The following SUMF1 variants were observed in gnomAD, a reference collection of about 807,000 sequenced individuals.
SUMF1 encodes formylglycine-generating enzyme.
Under a neutral mutation model 47.6 loss-of-function variants are expected in SUMF1, and 48 were observed. The observed-to-expected ratio is 1.01, with a 90% confidence interval of 0.80 to 1.28. SUMF1 has a LOEUF of 1.28. Among genes scored for constraint, SUMF1 ranks in the 50% most tolerant of loss-of-function variants. The pLI is 0.00. For missense variants in SUMF1, 571 were observed against 485.4 expected, an observed-to-expected ratio of 1.18 and a Z score of -1.66; for synonymous variants, 230 against 192.1, an observed-to-expected ratio of 1.20 and a Z score of -1.63.
chr3:4,220,764 A>G (rs1696043415), intron 8 of SUMF1, among the ~76,000 whole-genome samples: 1 of 152,138 alleles, frequency 6.6e-6, no homozygotes, highest in Non-Finnish European at 1.5e-5. Flanking sequence ...CTTCATCTGT[A>G]AAACGAGAAG....
At position 4,332,052 on chromosome 3, in the gene SUMF1, T is replaced by C. The variant is rs141041098; in HGVS notation, c.1014+44278A>G. 7.2e-3 allele frequency among the ~76,000 whole-genome samples: 1,090 copies of C among 152,336 alleles called. 14 individuals carry two copies. The highest frequency in any genetic ancestry group is 0.025 in the African/African-American group (1,029 of 41,584). ...TTTACTAAAGATTAATAAAGTCATG[T>C]GAACTACAAGGCATTTGAATTAAAG... On this transcript the variant is annotated intron_variant and NMD_transcript_variant, in intron 8 of 12. Coordinates refer to the SUMF1 transcript ENST00000448413.
At chr3:4,048,153 C>G (rs975549752) in intron 9 of SUMF1, among the ~76,000 whole-genome samples, 1 of 152,008 alleles carries the variant, frequency 6.6e-6, no homozygotes, top group Admixed American at 6.6e-5. Context: ...TTATTCAAAC[C>G]TTTTCCATTC....
intron 8 of SUMF1, among the ~76,000 whole-genome samples, chr3:4,145,772 A>T (rs1422866256): frequency 6.6e-6 from 1 of 152,162 alleles, no homozygotes; most frequent in Non-Finnish European, 1.5e-5. Context: ...TGTATTCAAG[A>T]CAGTTGAGGC....
chr3:4,041,184 T>C (rs991397310), intron 9 of SUMF1, among the ~76,000 whole-genome samples: 3 of 152,228 alleles, frequency 2.0e-5, no homozygotes, highest in Admixed American at 6.5e-5. Context: ...GCAATTCTCC[T>C]GCCTCAGCCT....
intron 8 of SUMF1, among the ~76,000 whole-genome samples, chr3:4,131,997 G>A (rs1005035290): frequency 1.3e-5 from 2 of 152,138 alleles, no homozygotes; most frequent in South Asian, 2.1e-4. Context: ...AATTTGCCAG[G>A]AGCAGAGACC....
chr3:4,130,594 C>G (rs1693764911), intron 8 of SUMF1, among the ~76,000 whole-genome samples: 1 of 152,040 alleles, frequency 6.6e-6, no homozygotes, highest in Non-Finnish European at 1.5e-5. Context: ...GAAATAAATC[C>G]AACTAAAATT....
chr3:4,136,258 G>C (rs1490065698), intron 8 of SUMF1, among the ~76,000 whole-genome samples: 16 of 152,124 alleles, frequency 1.1e-4, no homozygotes, highest in Non-Finnish European at 2.4e-4. Flanking sequence ...AAACAGCATG[G>C]TACTGGTACC....
chr3:4,428,543 G>A (rs114963843), intron 3 of SUMF1, among the ~76,000 whole-genome samples: 3 of 152,066 alleles, frequency 2.0e-5, no homozygotes, highest in South Asian at 2.1e-4. Context: ...TTGTACAGAT[G>A]GAGTCTCGCT....
chr3:4,393,791 T>C (rs1215152992), intron 7 of SUMF1, among the ~76,000 whole-genome samples: 2 of 152,168 alleles, frequency 1.3e-5, no homozygotes, highest in African/African-American at 4.8e-5. Flanking sequence ...TCTCAATTTA[T>C]CACCTCCCTT....
At chr3:4,101,693 T>C (rs1693036740) in intron 8 of SUMF1, among the ~76,000 whole-genome samples, 1 of 152,194 alleles carries the variant, frequency 6.6e-6, no homozygotes, top group South Asian at 2.1e-4. Context: ...ACAGATATGC[T>C]ATTTAACCAG....
At position 4,467,167 on chromosome 3, in the gene SUMF1, G is replaced by A. The variant is rs771193676; in HGVS notation, c.79C>T (p.Leu27=). 1 of 1,605,716 alleles carries A rather than the reference G, an allele frequency of 6.2e-7. No individual in the cohort carries two copies. Among genetic ancestry groups the A allele is most frequent in the Admixed American group, 1.7e-5 (1 of 59,220 alleles). Residue 27 remains leucine (L), a synonymous_variant, in exon 1 of 9, where the codon CTG becomes TTG. Coordinates refer to ENST00000272902, the MANE Select transcript of SUMF1 (RefSeq NM_182760.4). Reference sequence around the variant, plus strand: ...TGGCTCCCTGCCGCTCCACACAGCAGCGAGAGCAGCAGCAGCAAGAGGACG... The same window carrying A: ...TGGCTCCCTGCCGCTCCACACAGCAACGAGAGCAGCAGCAGCAAGAGGACG... The part of the protein sequence containing the change: ...GLVLLLLLLS[L]LCGAAGSQEA...
At chr3:4,055,362 T>C (rs1695173664) in intron 9 of SUMF1, among the ~76,000 whole-genome samples, 1 of 152,220 alleles carries the variant, frequency 6.6e-6, no homozygotes, top group African/African-American at 2.4e-5. Flanking sequence ...TGACTCTTTA[T>C]AATAGCTCTA....
chr3:4,370,356 T>C (rs1303363913), intron 8 of SUMF1, among the ~76,000 whole-genome samples: 1 of 152,216 alleles, frequency 6.6e-6, no homozygotes, highest in Non-Finnish European at 1.5e-5. Context: ...AAGATGGTAA[T>C]AGCCCTGCCA....
chr3:4,427,262 G>A (rs1301855731), intron 3 of SUMF1, among the ~76,000 whole-genome samples: 5 of 152,266 alleles, frequency 3.3e-5, no homozygotes, highest in Middle Eastern at 3.4e-3. Flanking sequence ...TTAAAAGATG[G>A]ACGTTTCTTG....
chr3:4,396,691 G>A (rs970630788), intron 7 of SUMF1, among the ~76,000 whole-genome samples: 1 of 152,168 alleles, frequency 6.6e-6, no homozygotes, highest in African/African-American at 2.4e-5. Context: ...GTTTCTTGCT[G>A]AGGTGTGAGA....
rs114354780 is a variant in SUMF1 at position 4,449,463 on chromosome 3, T to A, written c.445-123A>T. On this transcript the variant is annotated intron_variant, in intron 2 of 8. Transcript: ENST00000272902. ...TCCAATTGAACTTGAGTCTTTCTTA[T>A]GACTTCCCAGAGGACTCAGAAATGA... 6.6e-4 allele frequency: 659 copies of A among 995,224 alleles called. 2 individuals are homozygous for A. The African/African-American group carries it at 9.5e-3, about 14-fold the overall frequency. 61.6% of individuals were successfully genotyped at this position (995,224 alleles called of 1,614,324 possible). A position where few individuals can be genotyped will look rare whatever the true frequency, so the allele number is the denominator to read the frequency against.
At chr3:4,425,219 T>C (rs1433095470) in intron 3 of SUMF1, among the ~76,000 whole-genome samples, 2 of 152,168 alleles carry the variant, frequency 1.3e-5, no homozygotes, top group African/African-American at 2.4e-5. Flanking sequence ...TATCACCTTT[T>C]ACAAGCTACA....
chr3:4,447,515 C>T (rs530938785), intron 3 of SUMF1, among the ~76,000 whole-genome samples: 19 of 152,204 alleles, frequency 1.2e-4, no homozygotes, highest in African/African-American at 4.6e-4. Flanking sequence ...ATCATCTCCC[C>T]TACTGCTCAA....
At chr3:4,417,924 A>G (rs1701767130) in intron 5 of SUMF1, 86 bp downstream of exon 5, 2 of 1,598,276 alleles carry the variant, frequency 1.3e-6, no homozygotes, top group Non-Finnish European at 1.7e-6. Flanking sequence ...CTTTCTAACC[A>G]AAGTAAGTTC....
Sources: gnomAD v4.1 joint callset for allele counts (sites outside exome capture counted in the v4.1 genomes callset) on GRCh38, gnomAD v4.1.1 for gene constraint, MANE v1.5 for transcripts, NCBI Gene and HGNC (gene_info 2026-07-23, HGNC 2026-07-21) for gene names.